Variants in STX7 observed in about 807,000 individuals in gnomAD.
STX7 encodes the protein syntaxin-7.
STX7 carries 34 observed loss-of-function variants against 39.6 expected under a neutral mutation model. The observed-to-expected ratio is 0.86, with a 90% CI of 0.65 to 1.14. The LOEUF is 1.14. STX7 is among the 50% of genes most tolerant of loss of function. STX7 has a pLI of 0.00. For missense variants in STX7, 284 were observed against 310.4 expected (o/e 0.92, Z 0.64); for synonymous variants, 119 against 99.1 (o/e 1.20, Z -1.19).
intron 2 of STX7, among the ~76,000 whole-genome samples, chr6:132,503,090 G>A (rs1030896959): frequency 6.6e-6 from 1 of 152,054 alleles, no homozygotes; most frequent in Non-Finnish European, 1.5e-5. Flanking sequence ...TTAAGCCCTT[G>A]GTAGTGCTAC....
intron 8 of STX7, among the ~76,000 whole-genome samples, chr6:132,465,456 C>T (rs1774542352): frequency 6.6e-6 from 1 of 152,196 alleles, no homozygotes; most frequent in Non-Finnish European, 1.5e-5. Context: ...TTACTCTCAT[C>T]CTTAGCCCCC....
In STX7 at chr6:132,447,243, A is replaced by T. The variant is rs1184590744; in HGVS notation, c.*13515T>A. 1 of 152,204 alleles carries T rather than the reference A, an allele frequency of 6.6e-6. No homozygotes were observed. Among genetic ancestry groups the T allele is most frequent in the Non-Finnish European group, 1.5e-5 (1 of 68,028 alleles). 9.4% of individuals were successfully genotyped at this position (152,204 alleles called of 1,614,324 possible). On this transcript the variant is annotated 3_prime_UTR_variant, in exon 10 of 10. Transcript: ENST00000367941. ...TAGACATTGATTAGCTGACTGACAT[A>T]GAGCGTTTCTTATCAGTCAACAAAA...
intron 2 of STX7, among the ~76,000 whole-genome samples, chr6:132,494,763 C>T (rs1405553421): frequency 6.6e-6 from 1 of 152,140 alleles, no homozygotes; most frequent in Non-Finnish European, 1.5e-5. Flanking sequence ...GGATTTATAT[C>T]TGATTATAAA....
At chr6:132,471,368 T>C (rs371089484) in intron 5 of STX7, 95 bp downstream of exon 5, 1 of 1,359,632 alleles carries the variant, frequency 7.4e-7, no homozygotes, top group Non-Finnish European at 9.9e-7. Context: ...TATTCACAGA[T>C]CTTTATGACT....
At chr6:132,495,768 CA>C (rs1775407912) in intron 2 of STX7, among the ~76,000 whole-genome samples, 1 of 152,062 alleles carries the variant, frequency 6.6e-6, no homozygotes, top group Non-Finnish European at 1.5e-5. Context: ...CTAAAAGTAA[CA>C]AAAGGGCTCA....
intron 6 of STX7, 43 bp from the exon 7 acceptor site, chr6:132,470,090 T>A (rs1313616543): frequency 4.3e-6 from 6 of 1,402,552 alleles, no homozygotes; most frequent in African/African-American, 1.5e-5. Context: ...AAGATTGGTA[T>A]TCAAAACAAT....
chr6:132,498,843 A>C (rs995279734), intron 2 of STX7, among the ~76,000 whole-genome samples: 1 of 152,176 alleles, frequency 6.6e-6, no homozygotes, highest in African/African-American at 2.4e-5. Flanking sequence ...ACTTTATCTA[A>C]TCTAAACTCC....
At chr6:132,504,978 C>T (rs1775661183) in intron 1 of STX7, among the ~76,000 whole-genome samples, 1 of 152,164 alleles carries the variant, frequency 6.6e-6, no homozygotes, top group South Asian at 2.1e-4. Context: ...AGGTTCCTGG[C>T]CAACCCTGGA....
At chr6:132,496,322 T>C (rs1356630656) in intron 2 of STX7, among the ~76,000 whole-genome samples, 1 of 152,190 alleles carries the variant, frequency 6.6e-6, no homozygotes, top group East Asian at 1.9e-4. Flanking sequence ...AGGCTTACTA[T>C]GTTATTTAGG....
chr6:132,510,271 G>T (rs979353681), intron 1 of STX7, among the ~76,000 whole-genome samples: 1 of 152,174 alleles, frequency 6.6e-6, no homozygotes, highest in Non-Finnish European at 1.5e-5. Flanking sequence ...TTAAATGTTT[G>T]AGGTAATGGA....
At chr6:132,490,089 G>A (rs1325465218) in intron 2 of STX7, among the ~76,000 whole-genome samples, 1 of 152,234 alleles carries the variant, frequency 6.6e-6, no homozygotes, top group African/African-American at 2.4e-5. Context: ...TCTGGAATCA[G>A]AAGCAACAAC....
rs566837003 is a variant in STX7 at position 132,479,292 on chromosome 6, C to T, written c.86-3630G>A. Among the ~76,000 whole-genome samples the T allele has an allele frequency of 1.4e-4, 21 of 151,996 alleles. No individual in the cohort carries two copies. In the East Asian group the frequency reaches 3.9e-3, roughly 28 times the overall value. ...CAGCGAGTTCAAGTGGTGGTATAAG[C>T]AGATCTACAACTTGGCTTTAATGAC... On this transcript the variant is annotated intron_variant, in intron 2 of 9. Transcript: ENST00000367941.
intron 2 of STX7, among the ~76,000 whole-genome samples, chr6:132,489,665 C>T (rs1005877074): frequency 9.2e-5 from 14 of 152,188 alleles, no homozygotes; most frequent in Admixed American, 2.0e-4. Context: ...GCTGGAAGCT[C>T]AATGGAGAGC....
rs1160685459 is a variant in STX7, at chr6:132,455,787, CAA to C, written c.*4969_*4970del. On this transcript the variant is annotated 3_prime_UTR_variant, in exon 10 of 10. Coordinates refer to ENST00000367941, the MANE Select transcript of STX7 (RefSeq NM_003569.3). ...CATGTTAACCAAATGATTACAAAAA[CAA>C]AGAATTAAAATTGGTGTATTGATAT... The C allele has an allele frequency of 6.6e-6, 1 of 151,982 alleles. No individual in the cohort carries two copies. The highest frequency in any genetic ancestry group is 1.5e-5 in the Non-Finnish European group (1 of 67,970). The allele number at this position is 151,982 out of a possible 1,614,324, so 9.4% of individuals were successfully genotyped here. A position where few individuals can be genotyped will look rare whatever the true frequency, so the allele number is the denominator to read the frequency against.
chr6:132,496,680 G>A (rs1035930146), intron 2 of STX7, among the ~76,000 whole-genome samples: 3 of 152,124 alleles, frequency 2.0e-5, no homozygotes, highest in Non-Finnish European at 4.4e-5. Flanking sequence ...AGTTTGAAGA[G>A]ACCATAACCT....
intron 2 of STX7, among the ~76,000 whole-genome samples, chr6:132,502,908 A>T (rs1775612161): frequency 6.6e-6 from 1 of 152,102 alleles, no homozygotes; most frequent in Non-Finnish European, 1.5e-5. Context: ...AAAAAAAAAA[A>T]AGAATATGTG....
intron 2 of STX7, among the ~76,000 whole-genome samples, chr6:132,480,039 T>A (rs1191205361): frequency 6.6e-6 from 1 of 152,132 alleles, no homozygotes; most frequent in Admixed American, 6.5e-5. Context: ...CTGTTATGCA[T>A]CCTCTAAGCA....
At chr6:132,487,041 C>T (rs779591878) in intron 2 of STX7, among the ~76,000 whole-genome samples, 3 of 152,120 alleles carry the variant, frequency 2.0e-5, no homozygotes, top group Admixed American at 6.5e-5. Flanking sequence ...AAAACGAATT[C>T]TTCAATTTTT....
rs1774099946 is a variant in STX7 at position 132,449,779 on chromosome 6, A to G, written c.*10979T>C. ...ATTTCATGTTCGTTTTAATTCATAC[A>G]TTATTTAAACATATAACTGTTATTC... On this transcript the variant is annotated 3_prime_UTR_variant, in exon 10 of 10. Transcript: ENST00000367941. The G allele has an allele frequency of 6.6e-6, 1 of 152,210 alleles. No homozygotes were observed. Among genetic ancestry groups the G allele is most frequent in the African/African-American group, 2.4e-5 (1 of 41,454 alleles). 9.4% of individuals were successfully genotyped at this position (152,210 alleles called of 1,614,324 possible).
Sources: gnomAD v4.1 joint callset for allele counts (sites outside exome capture counted in the v4.1 genomes callset) on GRCh38, gnomAD v4.1.1 for gene constraint, MANE v1.5 for transcripts, NCBI Gene and HGNC (gene_info 2026-07-23, HGNC 2026-07-21) for gene names.